Variants in KCNN2 observed in about 807,000 individuals in gnomAD.
KCNN2 encodes small conductance calcium-activated potassium channel protein 2.
A neutral mutation model predicts 55.5 loss-of-function variants in KCNN2; 24 were observed. The observed-to-expected ratio is 0.43, with a 90% CI of 0.31 to 0.61. The LOEUF (loss-of-function observed/expected upper bound fraction) is 0.61. Ranked by LOEUF, KCNN2 falls within the 20% of genes least tolerant of loss-of-function variation. The pLI is 0.08. For synonymous variants in KCNN2, 431 were observed against 336.1 expected, an observed-to-expected ratio of 1.28 and a Z score of -3.09; for missense variants, 754 against 853.6, an observed-to-expected ratio of 0.88 and a Z score of 1.45.
At chr5:114,231,512 G>T (rs962819447) in intron 2 of KCNN2, among the ~76,000 whole-genome samples, 14 of 151,012 alleles carry the variant, frequency 9.3e-5, no homozygotes, top group Non-Finnish European at 1.9e-4. Flanking sequence ...TGGCTAGCCA[G>T]TTTTCTTATT....
intron 1 of KCNN2, among the ~76,000 whole-genome samples, chr5:114,068,344 A>C (rs943594679): frequency 6.6e-6 from 1 of 152,224 alleles, no homozygotes; most frequent in Non-Finnish European, 1.5e-5. Flanking sequence ...TAAGGTATGG[A>C]AGAAATTTGG....
intron 2 of KCNN2, among the ~76,000 whole-genome samples, chr5:114,334,792 C>G (rs1756891943): frequency 6.6e-6 from 1 of 152,132 alleles, no homozygotes; most frequent in Admixed American, 6.5e-5. Flanking sequence ...GTAAAAACTA[C>G]CTACCCATTA....
chr5:114,267,017 G>A (rs1160391950), intron 2 of KCNN2, among the ~76,000 whole-genome samples: 5 of 99,558 alleles, frequency 5.0e-5, no homozygotes, highest in African/African-American at 2.0e-4. Context: ...TTTTTTTTGA[G>A]ACGAAGTCTC....
At chr5:114,260,589 C>G (rs1755086148) in intron 2 of KCNN2, among the ~76,000 whole-genome samples, 1 of 152,096 alleles carries the variant, frequency 6.6e-6, no homozygotes, top group Non-Finnish European at 1.5e-5. Context: ...TATCCCTGTA[C>G]CTAGCACAGT....
At chr5:114,387,553 G>C (rs1758322693) in intron 2 of KCNN2, among the ~76,000 whole-genome samples, 1 of 152,128 alleles carries the variant, frequency 6.6e-6, no homozygotes, top group Non-Finnish European at 1.5e-5. Flanking sequence ...TATTCCCTGT[G>C]GTTTTTGTTC....
chr5:114,090,916 C>A (rs568685702), intron 1 of KCNN2, among the ~76,000 whole-genome samples: 1 of 152,250 alleles, frequency 6.6e-6, no homozygotes, highest in South Asian at 2.1e-4. Flanking sequence ...CAACTCACTG[C>A]AGCCTTGACT....
In KCNN2 at chr5:114,445,312, G is replaced by A. The variant is rs142815207; in HGVS notation, c.1638-17737G>A. 2.0e-3 allele frequency among the ~76,000 whole-genome samples: 310 copies of A among 152,052 alleles called. 4 individuals carry two copies. The highest frequency in any genetic ancestry group is 6.9e-3 in the African/African-American group (288 of 41,474). ...ATGCCCTACAACATGCCTTACCTCC[G>A]TTTACTAAGAAAAAAGGGGTTATCA... On this transcript the variant is annotated intron_variant, in intron 3 of 7. Coordinates refer to ENST00000673685, the MANE Select transcript of KCNN2 (RefSeq NM_021614.4).
intron 1 of KCNN2, among the ~76,000 whole-genome samples, chr5:114,216,686 A>G (rs1754009836): frequency 6.6e-6 from 1 of 152,076 alleles, no homozygotes; most frequent in Admixed American, 6.6e-5. Flanking sequence ...ACATACTCAA[A>G]ACTTCCCCAC....
At chr5:114,185,583 T>G (rs1181715238) in intron 1 of KCNN2, among the ~76,000 whole-genome samples, 1 of 152,224 alleles carries the variant, frequency 6.6e-6, no homozygotes, top group African/African-American at 2.4e-5. Context: ...CCTATCTTTT[T>G]CCTTCTCACC....
chr5:114,085,485 A>T (rs1292812040), intron 1 of KCNN2, among the ~76,000 whole-genome samples: 1 of 151,974 alleles, frequency 6.6e-6, no homozygotes, highest in Non-Finnish European at 1.5e-5. Flanking sequence ...TTTAGTTTCC[A>T]ATTGCTCATT....
chr5:114,293,992 A>G (rs1158139318), intron 2 of KCNN2, among the ~76,000 whole-genome samples: 1 of 152,192 alleles, frequency 6.6e-6, no homozygotes, highest in Non-Finnish European at 1.5e-5. Flanking sequence ...AGTTGTTTGT[A>G]GTATTCTCCG....
At chr5:114,177,730 C>T (rs1354522254) in intron 1 of KCNN2, among the ~76,000 whole-genome samples, 1 of 151,868 alleles carries the variant, frequency 6.6e-6, no homozygotes, top group Non-Finnish European at 1.5e-5. Context: ...TCTAGAATAA[C>T]TTTGAAAGTT....
chr5:114,396,491 G>A (rs1221810753), intron 2 of KCNN2, among the ~76,000 whole-genome samples: 1 of 151,902 alleles, frequency 6.6e-6, no homozygotes, highest in Admixed American at 6.6e-5. Flanking sequence ...TTGTGTGTCG[G>A]GGGGTTTGGA....
chr5:114,365,866 T>C (rs1003748384), intron 2 of KCNN2, among the ~76,000 whole-genome samples: 10 of 152,048 alleles, frequency 6.6e-5, no homozygotes, highest in African/African-American at 2.2e-4. Flanking sequence ...TTATTAAATA[T>C]CAGCTTTGTG....
In KCNN2 at chr5:114,432,692, G is replaced by C. The variant is rs770480569; in HGVS notation, c.1637+27836G>C. Among the ~76,000 whole-genome samples, 207 of 152,302 alleles carry C rather than the reference G, an allele frequency of 1.4e-3. 2 individuals are homozygous for C. The highest frequency in any genetic ancestry group is 2.0e-3 in the Non-Finnish European group (138 of 68,026). On this transcript the variant is annotated intron_variant, in intron 3 of 7. Coordinates refer to ENST00000673685, the MANE Select transcript of KCNN2 (RefSeq NM_021614.4). ...CAGGGAGGTGTAGAGGGAGAGGCGC[G>C]AGCGGGAACCGGGGCTGTGCGCGGC...
Position 114,313,626 on chromosome 5 carries a change from G to T in KCNN2, c.-184-47319G>T, listed in dbSNP as rs1756447290. 1.1e-4 allele frequency among the ~76,000 whole-genome samples: 17 copies of T among 152,242 alleles called. No homozygotes were observed. The South Asian group carries it at 3.5e-3, about 32-fold the overall frequency. The stretch of plus-strand genomic sequence containing the variant: ...CCCTGAGATCTGGGCCAATCTACAA[G>T]ATATCCAAGGAGATGTTCTGCCTTC... On this transcript the variant is annotated intron_variant, in intron 2 of 10. Coordinates refer to the KCNN2 transcript ENST00000512097.
intron 1 of KCNN2, among the ~76,000 whole-genome samples, chr5:114,170,236 T>C (rs116166152): frequency 0.018 from 2,744 of 152,216 alleles, 79 homozygotes; most frequent in African/African-American, 0.062. Context: ...AATTAACTTA[T>C]ATGTAACACT....
intron 2 of KCNN2, among the ~76,000 whole-genome samples, chr5:114,289,202 G>C (rs990426645): frequency 6.6e-6 from 1 of 152,022 alleles, no homozygotes; most frequent in Non-Finnish European, 1.5e-5. Flanking sequence ...TCACTGGTCT[G>C]TATGTTTATC....
chr5:114,227,881 A>G (rs567588347), intron 2 of KCNN2, among the ~76,000 whole-genome samples: 5 of 152,258 alleles, frequency 3.3e-5, no homozygotes, highest in African/African-American at 4.8e-5. Flanking sequence ...GTATATATAT[A>G]TAGTAGGTGA....
Sources: allele counts gnomAD v4.1 joint callset (sites outside exome capture counted in the v4.1 genomes callset), GRCh38; gene constraint gnomAD v4.1.1; transcripts MANE v1.5; gene names NCBI Gene and HGNC (gene_info 2026-07-23, HGNC 2026-07-21).